The following PHF5A variants were observed in gnomAD, a reference collection of about 807,000 sequenced individuals.
The protein encoded by PHF5A is PHD finger protein 5A, also known as PHD finger-like domain-containing protein 5A.
For synonymous variants in PHF5A, 52 were observed against 46.0 expected (o/e 1.13, Z -0.52); for missense variants, 24 against 140.6 (o/e 0.17, Z 4.19).
chr22:41,460,622 T>A, intron 3 of PHF5A, 135 bp from the exon 4 acceptor site: 1 of 535,718 alleles, frequency 1.9e-6, no homozygotes, highest in Middle Eastern at 2.9e-4. Context: ...GCAGGAGGAT[T>A]GCTGAAGCCC....
At chr22:41,465,522 A>G (rs769753786) in intron 3 of PHF5A, among the ~76,000 whole-genome samples, 7 of 152,110 alleles carry the variant, frequency 4.6e-5, no homozygotes, top group African/African-American at 7.2e-5. Flanking sequence ...GCAGGATCCA[A>G]GTGCGTGAAA....
chr22:41,468,660 T>C lies in PHF5A; in HGVS notation c.-7A>G, dbSNP rs776172063. 4 of 1,613,942 alleles carry C rather than the reference T, an allele frequency of 2.5e-6. No homozygotes were observed. Among genetic ancestry groups the C allele is most frequent in the Non-Finnish European group, 3.4e-6 (4 of 1,179,948 alleles). ...CAGGATGATGTTTAGCCATAGCTCCTAACTAAGCCGGCCACCGGAAGCTTC... is the reference window on the plus strand; with the variant it reads ...CAGGATGATGTTTAGCCATAGCTCCCAACTAAGCCGGCCACCGGAAGCTTC... On this transcript the variant is annotated 5_prime_UTR_variant, in exon 1 of 4. Coordinates refer to ENST00000216252, the MANE Select transcript of PHF5A (RefSeq NM_032758.4).
chr22:41,465,979 C>T (rs927798493), intron 3 of PHF5A, among the ~76,000 whole-genome samples: 5 of 152,152 alleles, frequency 3.3e-5, no homozygotes, highest in East Asian at 3.8e-4. Flanking sequence ...AGAGGAACTA[C>T]AAAATGGGCA....
intron 1 of PHF5A, 31 bp downstream of exon 1, chr22:41,468,571 C>T (rs781160512): frequency 6.2e-7 from 1 of 1,613,432 alleles, no homozygotes; most frequent in Non-Finnish European, 8.5e-7. Context: ...CCACCCCTGC[C>T]CAGACAGCCA....
At chr22:41,467,929 A>C in intron 2 of PHF5A, 195 bp downstream of exon 2, 2 of 635,624 alleles carry the variant, frequency 3.1e-6, no homozygotes, top group Non-Finnish European at 5.5e-6. Context: ...CTTCCCGTTG[A>C]AAACTAGAGA....
At chr22:41,466,253 T>C (rs1400664974) in intron 3 of PHF5A, among the ~76,000 whole-genome samples, 1 of 152,046 alleles carries the variant, frequency 6.6e-6, no homozygotes, top group African/African-American at 2.4e-5. Flanking sequence ...CCGAAAAAAA[T>C]GGGGTAAATC....
In PHF5A at chr22:41,467,464, G is replaced by A; in HGVS notation, c.227C>T (p.Thr76Ile). 1 of 1,614,056 alleles carries A rather than the reference G, an allele frequency of 6.2e-7. No homozygotes were observed. Among genetic ancestry groups the A allele is most frequent in the Non-Finnish European group, 8.5e-7 (1 of 1,180,020 alleles). ...TACACTTACGTCCTTCTCCTGGATGGTGCACTCCTTACAATAATAGGCATC... is the reference window on the plus strand; with the variant it reads ...TACACTTACGTCCTTCTCCTGGATGATGCACTCCTTACAATAATAGGCATC... ...VSDAYYCKEC[T>I]IQEKDRDGCP... is the part of the protein sequence containing the mutation. The change falls in exon 3 of 4, where the codon ACC becomes ATC. Residue 76 changes from threonine (T) to isoleucine (I), a missense_variant. By Grantham distance (89) the Thr-to-Ile change is moderately conservative. Coordinates refer to ENST00000216252, the MANE Select transcript of PHF5A (RefSeq NM_032758.4).
At chr22:41,463,615 C>G (rs966199154) in intron 3 of PHF5A, among the ~76,000 whole-genome samples, 1 of 59,190 alleles carries the variant, frequency 1.7e-5, no homozygotes, top group African/African-American at 6.5e-5. Context: ...ATCCCAGCTA[C>G]TCAGGGGGCT....
Position 41,467,527 on chromosome 22 carries a change from T to TAGGG in PHF5A, c.163_164insCCCT (p.Gln55ProfsTer15). On this transcript the variant is annotated frameshift_variant, in exon 3 of 4. Coordinates refer to ENST00000216252, the MANE Select transcript of PHF5A (RefSeq NM_032758.4). LOFTEE classifies it high-confidence loss of function. ...TCCTCCACAGATCACACAGCGCCCC[T>TAGGG]GGTAAGATCCATAGTTACACTCATC... 1 of 1,614,176 alleles carries TAGGG rather than the reference T, an allele frequency of 6.2e-7. No individual in the cohort carries two copies. The highest frequency in any genetic ancestry group is 8.5e-7 in the Non-Finnish European group (1 of 1,180,026).
chr22:41,468,667 G>C lies in PHF5A; in HGVS notation c.-14C>G. ...ATGTTTAGCCATAGCTCCTAACTAA[G>C]CCGGCCACCGGAAGCTTCGGGAACT... On this transcript the variant is annotated 5_prime_UTR_variant, in exon 1 of 4. Coordinates refer to ENST00000216252, the MANE Select transcript of PHF5A (RefSeq NM_032758.4). The C allele has an allele frequency of 6.2e-7, 1 of 1,613,976 alleles. No homozygotes were observed. Among genetic ancestry groups the C allele is most frequent in the Non-Finnish European group, 8.5e-7 (1 of 1,179,892 alleles).
intron 3 of PHF5A, among the ~76,000 whole-genome samples, chr22:41,461,672 AT>A (rs1198006011): frequency 1.4e-5 from 2 of 142,376 alleles, no homozygotes; most frequent in Admixed American, 1.4e-4. Context: ...CTTATATTTT[AT>A]TTTTTTTTGA....
intron 3 of PHF5A, among the ~76,000 whole-genome samples, chr22:41,462,875 CTT>C (rs779997553): frequency 2.1e-5 from 3 of 143,084 alleles, no homozygotes; most frequent in East Asian, 2.0e-4. Flanking sequence ...TACGGGTTAG[CTT>C]TTTTTTTTTT....
At chr22:41,460,508 G>A in intron 3 of PHF5A, 21 bp from the exon 4 acceptor site, 2 of 1,572,904 alleles carry the variant, frequency 1.3e-6, no homozygotes, top group Non-Finnish European at 1.7e-6. Context: ...GAACAGAGAA[G>A]TTGTTAAGTC....
intron 3 of PHF5A, among the ~76,000 whole-genome samples, chr22:41,464,844 T>A (rs2037853626): frequency 6.6e-6 from 1 of 152,204 alleles, no homozygotes; most frequent in African/African-American, 2.4e-5. Flanking sequence ...AACAAACACC[T>A]ACTATGTGCT....
intron 2 of PHF5A, chr22:41,467,902 A>G (rs1323545754): frequency 3.3e-6 from 2 of 614,950 alleles, no homozygotes; most frequent in Non-Finnish European, 5.7e-6. Context: ...GGGAGGGGTC[A>G]TGCTACTCTG....
At chr22:41,461,181 G>GA (rs1038939802) in intron 3 of PHF5A, among the ~76,000 whole-genome samples, 57 of 151,472 alleles carry the variant, frequency 3.8e-4, no homozygotes, top group African/African-American at 1.3e-3. Context: ...CTCAAAAAAA[G>GA]AAAAAAAGAC....
At chr22:41,467,980 G>T (rs2037884623) in intron 2 of PHF5A, 144 bp downstream of exon 2, 2 of 800,896 alleles carry the variant, frequency 2.5e-6, no homozygotes, top group East Asian at 2.6e-5. Flanking sequence ...GGGAGTTAGA[G>T]GGGCCTTTGG....
At chr22:41,464,900 C>T (rs899682892) in intron 3 of PHF5A, among the ~76,000 whole-genome samples, 1 of 152,158 alleles carries the variant, frequency 6.6e-6, no homozygotes, top group Admixed American at 6.6e-5. Context: ...AGGGACAGCA[C>T]CAAAATACAA....
rs57259696 is a variant in PHF5A, at chr22:41,460,047, C to CA, written c.*350dup. On this transcript the variant is annotated 3_prime_UTR_variant, in exon 4 of 4. Transcript: ENST00000216252. ...TTTTCACTGGGCGTCGCTTCACAGT[C>CA]AGTTCCTCAAGCAGAAGACTAAAAT... is the stretch of plus-strand genomic sequence containing the variant. 1,449 of 154,722 alleles carry CA rather than the reference C, an allele frequency of 9.4e-3. 26 individuals are homozygous for CA. The highest frequency in any genetic ancestry group is 0.033 in the African/African-American group (1,360 of 41,288). The allele number at this position is 154,722 out of a possible 1,614,324, so 9.6% of individuals were successfully genotyped here.
Sources: gnomAD v4.1 joint callset for allele counts (sites outside exome capture counted in the v4.1 genomes callset) on GRCh38, gnomAD v4.1.1 for gene constraint, MANE v1.5 for transcripts, NCBI Gene and HGNC (gene_info 2026-07-23, HGNC 2026-07-21) for gene names.